The following PARD3B variants were observed in gnomAD, a reference collection of about 807,000 sequenced individuals.
PARD3B encodes the protein par-3 family cell polarity regulator beta.
PARD3B carries 103 observed loss-of-function variants against 130.2 expected under a neutral mutation model. The ratio of observed to expected loss-of-function variants is 0.79; its 90% CI spans 0.67 to 0.93. PARD3B has a LOEUF of 0.93. PARD3B is among the 40% of genes least tolerant of loss of function. PARD3B has a pLI of 0.00. For synonymous variants in PARD3B, 583 were observed against 553.2 expected (o/e 1.05, Z -0.76); for missense variants, 1,609 against 1,499.2 (o/e 1.07, Z -1.21).
intron 2 of PARD3B, among the ~76,000 whole-genome samples, chr2:204,795,988 C>T (rs1049889339): frequency 6.6e-6 from 1 of 152,132 alleles, no homozygotes; most frequent in Non-Finnish European, 1.5e-5. Flanking sequence ...TTCCTAATCA[C>T]TCTACATGTT....
chr2:204,734,875 G>A (rs929804887), intron 2 of PARD3B, among the ~76,000 whole-genome samples: 1 of 151,940 alleles, frequency 6.6e-6, no homozygotes, highest in African/African-American at 2.4e-5. Context: ...TGAAATGGGT[G>A]CATTTTACTG....
At chr2:205,324,508 G>C (rs1169974333) in intron 18 of PARD3B, among the ~76,000 whole-genome samples, 1 of 152,066 alleles carries the variant, frequency 6.6e-6, no homozygotes, top group East Asian at 1.9e-4. Context: ...GGCCATTAGA[G>C]ATATAAATAG....
chr2:204,702,555 G>T (rs758086802), intron 2 of PARD3B, among the ~76,000 whole-genome samples: 2 of 151,856 alleles, frequency 1.3e-5, no homozygotes, highest in Non-Finnish European at 2.9e-5. Context: ...AAAAGTGTTC[G>T]TGTCTTTTGC....
rs1040358192 is a variant in PARD3B, at chr2:205,341,963, T to C, written c.2630+40262T>C. Among the ~76,000 whole-genome samples the C allele has an allele frequency of 7.2e-5, 11 of 152,146 alleles. No homozygotes were observed. Among genetic ancestry groups the C allele is most frequent in the African/African-American group, 2.7e-4 (11 of 41,458 alleles). On this transcript the variant is annotated intron_variant, in intron 18 of 22. Coordinates refer to ENST00000406610, the MANE Select transcript of PARD3B (RefSeq NM_001302769.2). This position sits in a 1 kb window ranked among gnomAD's most constrained non-coding sequence, Gnocchi z 4.3. ...ATGGGACCACTGTCATATATGTATG[T>C]GGTCCCTAGTTAATCAAAACAGCAT...
chr2:204,712,142 G>A (rs936226952), intron 2 of PARD3B, among the ~76,000 whole-genome samples: 1 of 152,128 alleles, frequency 6.6e-6, no homozygotes, highest in Admixed American at 6.5e-5. Flanking sequence ...TATGAAGGGA[G>A]TTTATATCAT....
chr2:205,331,265 CCACACA>C (rs56170026), intron 18 of PARD3B, among the ~76,000 whole-genome samples: 1 of 148,722 alleles, frequency 6.7e-6, no homozygotes, highest in African/African-American at 2.5e-5. Flanking sequence ...CACATATATT[CCACACA>C]CACACACACA....
chr2:204,599,373 G>A (rs371352183), intron 1 of PARD3B, among the ~76,000 whole-genome samples: 27 of 151,770 alleles, frequency 1.8e-4, no homozygotes, highest in African/African-American at 6.5e-4. Flanking sequence ...AGTATCCTCT[G>A]TTTTACTTTT....
intron 2 of PARD3B, among the ~76,000 whole-genome samples, chr2:204,750,093 A>G (rs1345799320): frequency 1.3e-5 from 2 of 152,188 alleles, no homozygotes; most frequent in Non-Finnish European, 2.9e-5. Context: ...CAATATATGC[A>G]GCTTTGAAAA....
At chr2:205,310,073 A>C (rs1003225246) in intron 18 of PARD3B, among the ~76,000 whole-genome samples, 3 of 150,066 alleles carry the variant, frequency 2.0e-5, no homozygotes, top group African/African-American at 7.4e-5. Flanking sequence ...GAGAACACTT[A>C]AAATCTACTC....
intron 1 of PARD3B, among the ~76,000 whole-genome samples, chr2:204,682,398 G>A (rs2036876668): frequency 6.6e-6 from 1 of 152,126 alleles, no homozygotes; most frequent in Non-Finnish European, 1.5e-5. Flanking sequence ...GAGGCATTTT[G>A]AGGATAAATG....
chr2:204,707,569 G>C (rs957602621), intron 2 of PARD3B, among the ~76,000 whole-genome samples: 2 of 152,016 alleles, frequency 1.3e-5, no homozygotes, highest in Non-Finnish European at 2.9e-5. Flanking sequence ...ATGAATTATA[G>C]CTTGTTATAA....
chr2:205,299,084 A>T (rs2041895141), intron 16 of PARD3B, among the ~76,000 whole-genome samples: 1 of 152,158 alleles, frequency 6.6e-6, no homozygotes, highest in African/African-American at 2.4e-5. Context: ...ATGCATTATT[A>T]GCTATTACGA....
At chr2:204,657,328 G>T (rs1265375258) in intron 1 of PARD3B, among the ~76,000 whole-genome samples, 1 of 152,132 alleles carries the variant, frequency 6.6e-6, no homozygotes, top group Non-Finnish European at 1.5e-5. Context: ...AGGTAACATA[G>T]TGAAACCTCA....
intron 18 of PARD3B, among the ~76,000 whole-genome samples, chr2:205,369,215 A>T (rs528840589): frequency 1.3e-5 from 2 of 152,334 alleles, no homozygotes; most frequent in South Asian, 4.1e-4. Flanking sequence ...CTATGTTGAA[A>T]TTTATCATGG....
In PARD3B at chr2:205,540,528, C is replaced by T. The variant is rs942115950; in HGVS notation, c.3181-12796C>T. Among the ~76,000 whole-genome samples the T allele has an allele frequency of 2.0e-4, 30 of 152,124 alleles. 1 individual carries two copies. Among genetic ancestry groups the T allele is most frequent in the African/African-American group, 5.3e-4 (22 of 41,426 alleles). On this transcript the variant is annotated intron_variant, in intron 21 of 22. Transcript: ENST00000406610. ...AAAACATTCAATGCAATGAGCCCTT[C>T]GGACAGGTTTTTGAGACTGAAAACA... is the stretch of plus-strand genomic sequence containing the variant.
chr2:205,424,130 C>T (rs984081378), intron 19 of PARD3B, among the ~76,000 whole-genome samples: 1 of 152,060 alleles, frequency 6.6e-6, no homozygotes, highest in African/African-American at 2.4e-5. Flanking sequence ...TTTTTGCTGA[C>T]CTGTTTAAAG....
At chr2:205,500,696 C>G (rs1406156616) in intron 21 of PARD3B, among the ~76,000 whole-genome samples, 2 of 152,162 alleles carry the variant, frequency 1.3e-5, no homozygotes, top group African/African-American at 4.8e-5. Context: ...CAAAAATGCC[C>G]AGGAAGAGGA....
intron 16 of PARD3B, among the ~76,000 whole-genome samples, chr2:205,248,829 G>T (rs1010638071): frequency 6.6e-6 from 1 of 151,236 alleles, no homozygotes; most frequent in Non-Finnish European, 1.5e-5. Flanking sequence ...GGATGGTTTC[G>T]ATCTCCTGAC....
intron 2 of PARD3B, among the ~76,000 whole-genome samples, chr2:204,905,251 G>A (rs927273897): frequency 2.0e-5 from 3 of 152,108 alleles, no homozygotes; most frequent in Non-Finnish European, 2.9e-5. Context: ...GCAGTGCCCC[G>A]GGATGTGATG....
Sources: gnomAD v4.1 joint callset for allele counts (sites outside exome capture counted in the v4.1 genomes callset) on GRCh38, gnomAD v4.1.1 for gene constraint, Gnocchi (gnomAD v3.1) non-coding constraint, MANE v1.5 for transcripts, NCBI Gene and HGNC (gene_info 2026-07-23, HGNC 2026-07-21) for gene names.